The following KIF13B variants were observed in gnomAD, a reference collection of about 807,000 sequenced individuals.
KIF13B encodes the protein kinesin family member 13B, also known as kinesin-like protein KIF13B.
In KIF13B, 127 loss-of-function variants were observed where a neutral mutation model predicts 222.0. That is an observed-to-expected ratio of 0.57 (90% CI 0.50 to 0.66). The LOEUF is 0.66. Among genes scored for constraint, KIF13B ranks in the 30% least tolerant of loss-of-function variants. The pLI, the probability that KIF13B is intolerant of heterozygous loss-of-function variation, is 0.00. For missense variants in KIF13B, 2,173 were observed against 2,379.0 expected (o/e 0.91, Z 1.80); for synonymous variants, 976 against 919.0 (o/e 1.06, Z -1.12).
intron 22 of KIF13B, among the ~76,000 whole-genome samples, chr8:29,132,673 T>C (rs373279143): frequency 5.9e-5 from 9 of 152,334 alleles, no homozygotes; most frequent in African/African-American, 2.2e-4. Context: ...AATCGGAATT[T>C]TTTTTAAACT....
intron 24 of KIF13B, 70 bp from the exon 25 acceptor site, chr8:29,127,338 C>A: frequency 7.4e-7 from 1 of 1,345,446 alleles, no homozygotes. Context: ...TAGAGAGACC[C>A]CTACAGGCTG....
intron 18 of KIF13B, among the ~76,000 whole-genome samples, chr8:29,144,617 A>G (rs1353626494): frequency 1.3e-5 from 2 of 152,126 alleles, no homozygotes. Flanking sequence ...GTGAATAAAT[A>G]CAAAAATCCC....
At chr8:29,190,869 T>A (rs551758901) in intron 4 of KIF13B, 128 bp downstream of exon 4, 1 of 791,808 alleles carries the variant, frequency 1.3e-6, no homozygotes, top group Admixed American at 1.8e-5. Context: ...TGTTGATGAC[T>A]GTTATTGTGG....
intron 36 of KIF13B, among the ~76,000 whole-genome samples, chr8:29,097,023 G>C (rs1318627985): frequency 6.6e-6 from 1 of 152,142 alleles, no homozygotes; most frequent in Non-Finnish European, 1.5e-5. Flanking sequence ...CAGGAACTAC[G>C]AGATGAGATT....
At chr8:29,146,631 CAAAGTGTG>C in intron 17 of KIF13B, 91 bp from the exon 18 acceptor site, 2 of 1,178,650 alleles carry the variant, frequency 1.7e-6, no homozygotes, top group Admixed American at 2.2e-5. Flanking sequence ...ACATCATTGC[CAAAGTGTG>C]AATTGAGCTT....
chr8:29,169,980 G>A (rs1812167401), intron 10 of KIF13B, among the ~76,000 whole-genome samples: 1 of 152,202 alleles, frequency 6.6e-6, no homozygotes, highest in Admixed American at 6.5e-5. Context: ...AATTTATGCT[G>A]AGAAAAGGAA....
chr8:29,197,342 A>AAAAAAAAAAAAAAAC (rs1813481742), intron 2 of KIF13B, among the ~76,000 whole-genome samples: 1 of 148,226 alleles, frequency 6.7e-6, no homozygotes, highest in Non-Finnish European at 1.5e-5. Context: ...GTCTCAAAAA[A>AAAAAAAAAAAAAAAC]AAAAAAAAAA....
At chr8:29,146,619 G>A in intron 17 of KIF13B, 79 bp from the exon 18 acceptor site, 3 of 1,253,364 alleles carry the variant, frequency 2.4e-6, no homozygotes, top group Non-Finnish European at 2.2e-6. Context: ...TACAGTGGTA[G>A]TACATCATTG....
intron 6 of KIF13B, among the ~76,000 whole-genome samples, chr8:29,185,406 C>T (rs1032734675): frequency 1.3e-5 from 2 of 152,226 alleles, no homozygotes; most frequent in Admixed American, 1.3e-4. Context: ...ACAAAACTCT[C>T]ATTCTGTCCA....
intron 29 of KIF13B, among the ~76,000 whole-genome samples, 173 bp from the exon 30 acceptor site, chr8:29,119,165 A>T (rs1809740746): frequency 6.6e-6 from 1 of 152,266 alleles, no homozygotes; most frequent in Admixed American, 6.5e-5. Flanking sequence ...GATCTTCAAG[A>T]TAAGAAAGTG....
At chr8:29,139,446 A>C (rs1810709528) in intron 21 of KIF13B, among the ~76,000 whole-genome samples, 1 of 152,222 alleles carries the variant, frequency 6.6e-6, no homozygotes, top group Non-Finnish European at 1.5e-5. Flanking sequence ...CAATATAATA[A>C]AAATGAACCC....
chr8:29,130,581 C>G lies in KIF13B; in HGVS notation c.3027G>C (p.Val1009=). ...CTGTTGGGACATCCTTTGCAGAAAT[C>G]ACTTCTACAGGGCAGTATTCACCAT... The part of the protein sequence containing the change: ...NENGEYCPVE[V]ISAKDVPTGG... Residue 1009 remains valine (V), a synonymous_variant, in exon 24 of 40, where the codon GTG becomes GTC. Transcript: ENST00000524189. 6.2e-7 allele frequency: 1 copy of G among 1,613,550 alleles called. No homozygotes were observed. The highest frequency in any genetic ancestry group is 8.5e-7 in the Non-Finnish European group (1 of 1,179,494).
intron 2 of KIF13B, among the ~76,000 whole-genome samples, chr8:29,236,922 C>T (rs979097159): frequency 1.3e-5 from 2 of 151,560 alleles, no homozygotes; most frequent in African/African-American, 4.8e-5. Flanking sequence ...TTTTGTTTTG[C>T]TTTTTTTTAC....
intron 21 of KIF13B, among the ~76,000 whole-genome samples, chr8:29,135,229 G>C (rs1370924775): frequency 6.6e-6 from 1 of 152,034 alleles, no homozygotes; most frequent in Non-Finnish European, 1.5e-5. Context: ...ATTTTTAGTA[G>C]AGATGAGGTC....
In KIF13B at chr8:29,113,583, G is replaced by C. The variant is rs150926128; in HGVS notation, c.3838-28C>G. ...AGAGAAAAACAAAATAGAAGATATG[G>C]TTTCCCACCTGAAAAACTGAGTTTA... On this transcript the variant is annotated intron_variant, in intron 31 of 39. Coordinates refer to ENST00000524189, the MANE Select transcript of KIF13B (RefSeq NM_015254.4). The C allele has an allele frequency of 2.2e-4, 293 of 1,357,782 alleles. No homozygotes were observed. The African/African-American group carries it at 3.5e-3, about 16-fold the overall frequency. 84.1% of individuals were successfully genotyped at this position (1,357,782 alleles called of 1,614,324 possible).
intron 21 of KIF13B, among the ~76,000 whole-genome samples, chr8:29,136,505 G>A (rs1364233260): frequency 6.6e-6 from 1 of 152,036 alleles, no homozygotes; most frequent in Non-Finnish European, 1.5e-5. Context: ...ACTTGAATCC[G>A]GGAGGAGGTG....
Position 29,148,565 on chromosome 8 carries a change from C to T in KIF13B, c.1813+12G>A, listed in dbSNP as rs143955439. 1.1e-5 allele frequency: 17 copies of T among 1,573,432 alleles called. No individual in the cohort carries two copies. Among genetic ancestry groups the T allele is most frequent in the African/African-American group, 6.7e-5 (5 of 74,264 alleles). On this transcript the variant is annotated intron_variant, in intron 16 of 39. Coordinates refer to ENST00000524189, the MANE Select transcript of KIF13B (RefSeq NM_015254.4). ...TGGAACTGATTCTCAAGTGCACGCC[C>T]GACTTGCTCACCATTGCTGCCCAGG...
At chr8:29,201,572 G>A (rs899658312) in intron 2 of KIF13B, among the ~76,000 whole-genome samples, 1 of 152,172 alleles carries the variant, frequency 6.6e-6, no homozygotes, top group African/African-American at 2.4e-5. Context: ...GAAAGTTATA[G>A]ATCATTTACT....
chr8:29,127,055 G>A (rs3763566), intron 25 of KIF13B, 67 bp downstream of exon 25: 1,220,988 of 1,445,726 alleles, frequency 0.84, 521,160 homozygotes, highest in Non-Finnish European at 0.87. Flanking sequence ...AGTTTCGTAC[G>A]GGTTCCAAAA....
Sources: gnomAD v4.1 joint callset for allele counts (sites outside exome capture counted in the v4.1 genomes callset) on GRCh38, gnomAD v4.1.1 for gene constraint, MANE v1.5 for transcripts, NCBI Gene and HGNC (gene_info 2026-07-23, HGNC 2026-07-21) for gene names.